SERGEF: variants seen among roughly 807,000 people sequenced by gnomAD.
The protein encoded by SERGEF is secretion regulating guanine nucleotide exchange factor.
In SERGEF, 51 loss-of-function variants were observed where a neutral mutation model predicts 50.0. The observed-to-expected ratio is 1.02, with a 90% confidence interval of 0.81 to 1.29. SERGEF has a LOEUF of 1.29. Ranked by LOEUF, SERGEF falls within the 50% of genes most tolerant of loss-of-function variation. The pLI, the probability that SERGEF is intolerant of heterozygous loss-of-function variation, is 0.00. For missense variants in SERGEF, 521 were observed against 557.0 expected, an observed-to-expected ratio of 0.94 and a Z score of 0.65; for synonymous variants, 205 against 212.4, an observed-to-expected ratio of 0.97 and a Z score of 0.30.
chr11:17,959,384 C>G (rs1852943961), intron 9 of SERGEF, 86 bp downstream of exon 9: 2 of 1,257,784 alleles, frequency 1.6e-6, no homozygotes, highest in African/African-American at 3.0e-5. Context: ...ATCCATAACG[C>G]CTGGCACACA....
At chr11:17,867,452 G>A (rs1262170290) in intron 10 of SERGEF, among the ~76,000 whole-genome samples, 1 of 152,242 alleles carries the variant, frequency 6.6e-6, no homozygotes, top group African/African-American at 2.4e-5. Context: ...ATGGTCTTGG[G>A]CAGCTCTGCC....
At chr11:17,837,967 T>C (rs1850434779) in intron 10 of SERGEF, among the ~76,000 whole-genome samples, 1 of 152,128 alleles carries the variant, frequency 6.6e-6, no homozygotes, top group South Asian at 2.1e-4. Flanking sequence ...GCCTGGCCAA[T>C]AAACCTCTTT....
intron 9 of SERGEF, among the ~76,000 whole-genome samples, chr11:17,909,008 G>C (rs1355360480): frequency 6.6e-6 from 1 of 152,154 alleles, no homozygotes; most frequent in African/African-American, 2.4e-5. Context: ...TTAATAAATA[G>C]TTTAGCCTGG....
At chr11:18,005,577 G>C (rs944435880) in intron 3 of SERGEF, among the ~76,000 whole-genome samples, 1 of 152,216 alleles carries the variant, frequency 6.6e-6, no homozygotes, top group African/African-American at 2.4e-5. Context: ...TGACAGGAGA[G>C]TGACAGAAGA....
At chr11:17,922,818 A>C (rs1181034758) in intron 9 of SERGEF, among the ~76,000 whole-genome samples, 1 of 152,224 alleles carries the variant, frequency 6.6e-6, no homozygotes, top group Non-Finnish European at 1.5e-5. Context: ...AATGCACATA[A>C]GGGAGCTATT....
At chr11:17,936,307 T>C (rs1367096618) in intron 9 of SERGEF, among the ~76,000 whole-genome samples, 3 of 152,146 alleles carry the variant, frequency 2.0e-5, no homozygotes, top group Non-Finnish European at 4.4e-5. Context: ...TCTCTGAGCC[T>C]GAGTTTCCTT....
intron 10 of SERGEF, among the ~76,000 whole-genome samples, chr11:17,858,157 C>T (rs528697076): frequency 6.6e-5 from 10 of 152,270 alleles, no homozygotes; most frequent in African/African-American, 9.6e-5. Flanking sequence ...AGAGGCGTTG[C>T]CTGAAAGTAT....
At chr11:17,985,414 C>G (rs940157561) in intron 8 of SERGEF, among the ~76,000 whole-genome samples, 1 of 152,110 alleles carries the variant, frequency 6.6e-6, no homozygotes, top group Non-Finnish European at 1.5e-5. Context: ...TAGGAAGGCA[C>G]CCAGATCTGC....
At chr11:17,980,840 T>C (rs887849276) in intron 8 of SERGEF, among the ~76,000 whole-genome samples, 2 of 152,228 alleles carry the variant, frequency 1.3e-5, no homozygotes, top group African/African-American at 4.8e-5. Flanking sequence ...TTTGAATACA[T>C]CCATGACTAT....
At chr11:17,932,915 T>C (rs569856196) in intron 9 of SERGEF, among the ~76,000 whole-genome samples, 1 of 152,276 alleles carries the variant, frequency 6.6e-6, no homozygotes, top group East Asian at 1.9e-4. Flanking sequence ...AATCATGTAA[T>C]AAAAAGTGCT....
intron 10 of SERGEF, among the ~76,000 whole-genome samples, chr11:17,830,548 G>C (rs1472753242): frequency 3.3e-5 from 5 of 151,246 alleles, no homozygotes; most frequent in Non-Finnish European, 5.9e-5. Context: ...GAGAGGAAGA[G>C]AGAGGGAGAG....
At chr11:18,012,551 C>A in intron 1 of SERGEF, 1 of 1,155,072 alleles carries the variant, frequency 8.7e-7, no homozygotes, top group Non-Finnish European at 1.1e-6. Context: ...CTCCTCCAGG[C>A]ATCAGGAGTG....
intron 9 of SERGEF, among the ~76,000 whole-genome samples, chr11:17,923,392 G>C (rs1332303635): frequency 1.3e-5 from 2 of 152,192 alleles, no homozygotes; most frequent in African/African-American, 4.8e-5. Flanking sequence ...CATGTTCTTA[G>C]AAGTTCTGTC....
intron 9 of SERGEF, among the ~76,000 whole-genome samples, chr11:17,918,347 T>C (rs138824031): frequency 1.6e-4 from 25 of 152,292 alleles, no homozygotes; most frequent in Admixed American, 2.6e-4. Context: ...TACAAGAACA[T>C]GCATTCTGAA....
intron 9 of SERGEF, among the ~76,000 whole-genome samples, chr11:17,927,586 C>T (rs780592213): frequency 2.0e-5 from 3 of 152,206 alleles, no homozygotes; most frequent in Non-Finnish European, 4.4e-5. Context: ...AAGTCACTCT[C>T]CTTCTTTGGA....
At chr11:17,878,638 G>A (rs1163497230) in intron 9 of SERGEF, among the ~76,000 whole-genome samples, 1 of 152,124 alleles carries the variant, frequency 6.6e-6, no homozygotes, top group East Asian at 1.9e-4. Flanking sequence ...CATCCCTCTC[G>A]TATGGACTGA....
intron 10 of SERGEF, among the ~76,000 whole-genome samples, chr11:17,814,426 C>A (rs908080642): frequency 1.1e-4 from 17 of 152,114 alleles, no homozygotes; most frequent in Non-Finnish European, 1.0e-4. Context: ...ACTTACTAGC[C>A]CCCACTACTG....
At chr11:17,852,590 T>C in intron 10 of SERGEF, among the ~76,000 whole-genome samples, 1 of 152,266 alleles carries the variant, frequency 6.6e-6, no homozygotes, top group South Asian at 2.1e-4. Flanking sequence ...TCACAGACTT[T>C]TAAGTGATAA....
chr11:18,000,571 GA>G lies in SERGEF; in HGVS notation c.448-15del. The G allele has an allele frequency of 6.4e-7, 1 of 1,569,936 alleles. No homozygotes were observed. The highest frequency in any genetic ancestry group is 8.6e-7 in the Non-Finnish European group (1 of 1,161,294). On this transcript the variant is annotated splice_polypyrimidine_tract_variant and intron_variant, in intron 4 of 10. Transcript: ENST00000265965. ...CTCTTTATGGAGCTGTCAAAATAAA[GA>G]AAAGGATTTAGATCTCAGAACCATC...
Sources: allele counts gnomAD v4.1 joint callset (sites outside exome capture counted in the v4.1 genomes callset), GRCh38; gene constraint gnomAD v4.1.1; transcripts MANE v1.5; gene names NCBI Gene and HGNC (gene_info 2026-07-23, HGNC 2026-07-21).